Variants in KDM4B observed in about 807,000 individuals in gnomAD.
KDM4B encodes the protein lysine-specific demethylase 4B.
In KDM4B, 32 loss-of-function variants were observed where a neutral mutation model predicts 125.2. The ratio of observed to expected loss-of-function variants is 0.26; its 90% CI spans 0.19 to 0.34. The LOEUF (loss-of-function observed/expected upper bound fraction) is 0.34. KDM4B is among the 10% of genes least tolerant of loss of function. The pLI is 1.00. For synonymous variants in KDM4B, 721 were observed against 677.9 expected, an observed-to-expected ratio of 1.06 and a Z score of -0.99; for missense variants, 1,190 against 1,577.7, an observed-to-expected ratio of 0.75 and a Z score of 4.16.
intron 5 of KDM4B, among the ~76,000 whole-genome samples, chr19:5,042,635 A>G (rs971020594): frequency 1.3e-5 from 2 of 152,018 alleles, no homozygotes; most frequent in African/African-American, 4.8e-5. Context: ...GAGTCGTGGC[A>G]AAGGTGAAGG....
rs886331092 is a variant in KDM4B at position 5,081,483 on chromosome 19, C to T, written c.781-884C>T. Reference sequence around the variant, plus strand: ...AGGCAGCCCTGCCTTTTCTTCCAGACCTTGGGGTGGCTGTTGGGAAACCTT... The same window carrying T: ...AGGCAGCCCTGCCTTTTCTTCCAGATCTTGGGGTGGCTGTTGGGAAACCTT... On this transcript the variant is annotated intron_variant, in intron 8 of 22. Transcript: ENST00000159111. The surrounding 1 kb of genome is among the most constrained non-coding windows in gnomAD (Gnocchi z 4.2). 6.6e-6 allele frequency among the ~76,000 whole-genome samples: 1 copy of T among 152,142 alleles called. No individual in the cohort carries two copies. The highest frequency in any genetic ancestry group is 2.4e-5 in the African/African-American group (1 of 41,436).
chr19:5,021,796 G>A (rs2036129715), intron 2 of KDM4B, among the ~76,000 whole-genome samples: 1 of 152,010 alleles, frequency 6.6e-6, no homozygotes, highest in Non-Finnish European at 1.5e-5. Flanking sequence ...ACCATGCCCG[G>A]CTAATTTTTG....
intron 6 of KDM4B, among the ~76,000 whole-genome samples, chr19:5,060,032 G>A (rs1282730680): frequency 6.6e-6 from 1 of 152,182 alleles, no homozygotes; most frequent in Non-Finnish European, 1.5e-5. Context: ...AGCCTTCCAG[G>A]GCCTCAGAGC....
At chr19:4,981,876 G>T (rs73536574) in intron 1 of KDM4B, among the ~76,000 whole-genome samples, 5,899 of 152,264 alleles carry the variant, frequency 0.039, 368 homozygotes, top group African/African-American at 0.13. Flanking sequence ...GGCAGGGGGC[G>T]GTCACGTAAC....
chr19:4,974,477 G>T (rs761512528), intron 1 of KDM4B, among the ~76,000 whole-genome samples: 1 of 151,938 alleles, frequency 6.6e-6, no homozygotes, highest in Non-Finnish European at 1.5e-5. Context: ...GGTGGCTCAC[G>T]CCTGTAATCC....
At chr19:5,031,265 T>C (rs753513141) in intron 2 of KDM4B, among the ~76,000 whole-genome samples, 2 of 152,192 alleles carry the variant, frequency 1.3e-5, no homozygotes, top group Admixed American at 1.3e-4. Context: ...GACAGTGTGG[T>C]GGCCTGGGAG....
intron 9 of KDM4B, among the ~76,000 whole-genome samples, chr19:5,088,890 G>A (rs2038597843): frequency 6.6e-6 from 1 of 152,198 alleles, no homozygotes; most frequent in Non-Finnish European, 1.5e-5. Flanking sequence ...GCTCAGCCAT[G>A]AGAAGGAGCA....
intron 1 of KDM4B, among the ~76,000 whole-genome samples, chr19:4,977,395 C>CTTT (rs2034485449): frequency 6.6e-6 from 1 of 152,188 alleles, no homozygotes; most frequent in Non-Finnish European, 1.5e-5. Context: ...GTAGGCGCGA[C>CTTT]CACCGTTGTG....
At chr19:5,096,007 T>A (rs1422425635) in intron 9 of KDM4B, among the ~76,000 whole-genome samples, 1 of 152,078 alleles carries the variant, frequency 6.6e-6, no homozygotes, top group African/African-American at 2.4e-5. Flanking sequence ...GGAGCTTGTT[T>A]TAGGAGGAGG....
chr19:5,043,469 G>T (rs1290814975), intron 5 of KDM4B, among the ~76,000 whole-genome samples: 1 of 148,378 alleles, frequency 6.7e-6, no homozygotes, highest in African/African-American at 2.5e-5. Flanking sequence ...GTGTTTATCG[G>T]AGTGGGGGTG....
intron 6 of KDM4B, among the ~76,000 whole-genome samples, chr19:5,062,181 T>A (rs938806660): frequency 6.6e-6 from 1 of 152,188 alleles, no homozygotes; most frequent in Non-Finnish European, 1.5e-5. Context: ...CCTCTCCCTC[T>A]CTCTCAGCCA....
intron 1 of KDM4B, among the ~76,000 whole-genome samples, chr19:4,999,282 A>G (rs1231400556): frequency 1.3e-5 from 2 of 152,278 alleles, no homozygotes; most frequent in East Asian, 3.9e-4. Flanking sequence ...GGTTGCTCAG[A>G]TGGCTCCACA....
At chr19:5,032,135 G>A (rs1013560091) in intron 2 of KDM4B, among the ~76,000 whole-genome samples, 2 of 152,178 alleles carry the variant, frequency 1.3e-5, no homozygotes, top group Admixed American at 6.5e-5. Flanking sequence ...GGAGGGAGCC[G>A]CTCCCGCCCG....
chr19:5,035,370 G>C lies in KDM4B; in HGVS notation c.141+2339G>C, dbSNP rs1047452025. On this transcript the variant is annotated intron_variant, in intron 3 of 22. Coordinates refer to ENST00000159111, the MANE Select transcript of KDM4B (RefSeq NM_015015.3). This position sits in a 1 kb window ranked among gnomAD's most constrained non-coding sequence, Gnocchi z 5.3. ...GACGTTGAGGGGAATCAGCATCTCAGACCGCCCTGCGCTCTTCCGAGGTGC... is the reference window on the plus strand; with the variant it reads ...GACGTTGAGGGGAATCAGCATCTCACACCGCCCTGCGCTCTTCCGAGGTGC... Among the ~76,000 whole-genome samples the C allele has an allele frequency of 4.0e-5, 6 of 151,826 alleles. 1 individual carries two copies. The South Asian group carries it at 1.0e-3, about 26-fold the overall frequency.
rs1223229997 is a variant in KDM4B at position 5,142,989 on chromosome 19, TC to T, written c.2551-975del. 6.6e-6 allele frequency among the ~76,000 whole-genome samples: 1 copy of T among 151,802 alleles called. No homozygotes were observed. Among genetic ancestry groups the T allele is most frequent in the East Asian group, 1.9e-4 (1 of 5,148 alleles). ...GGGATGAAAGGTGGCTCTCCGGTGC[TC>T]CCTCCTCACCAAGGAGGCTTCTCTC... On this transcript the variant is annotated intron_variant, in intron 18 of 22. Transcript: ENST00000159111. This position sits in a 1 kb window ranked among gnomAD's most constrained non-coding sequence, Gnocchi z 5.4.
chr19:5,007,049 C>T (rs2145465671), intron 1 of KDM4B, among the ~76,000 whole-genome samples: 1 of 152,276 alleles, frequency 6.6e-6, no homozygotes, highest in South Asian at 2.1e-4. Flanking sequence ...TGGGCAGGGA[C>T]CTGGGCGGAA....
At chr19:5,083,375 C>A (rs552981276) in intron 9 of KDM4B, among the ~76,000 whole-genome samples, 17 of 152,232 alleles carry the variant, frequency 1.1e-4, no homozygotes, top group Non-Finnish European at 2.2e-4. Flanking sequence ...GTGACGGGGA[C>A]GTGGACGGGG....
At chr19:5,001,546 A>G (rs2035385546) in intron 1 of KDM4B, among the ~76,000 whole-genome samples, 1 of 152,228 alleles carries the variant, frequency 6.6e-6, no homozygotes, top group Non-Finnish European at 1.5e-5. Flanking sequence ...TGCCGTGAGT[A>G]ACCTGGTGTA....
At chr19:5,006,088 TG>T (rs1235711500) in intron 1 of KDM4B, among the ~76,000 whole-genome samples, 1 of 152,032 alleles carries the variant, frequency 6.6e-6, no homozygotes, top group African/African-American at 2.4e-5. Context: ...AGAAGAAGGA[TG>T]GGGGGCTGGT....
Sources: gnomAD v4.1 joint callset for allele counts (sites outside exome capture counted in the v4.1 genomes callset) on GRCh38, gnomAD v4.1.1 for gene constraint, Gnocchi (gnomAD v3.1) non-coding constraint, MANE v1.5 for transcripts, NCBI Gene and HGNC (gene_info 2026-07-23, HGNC 2026-07-21) for gene names.